CALD1: variants seen among roughly 807,000 people sequenced by gnomAD.
The protein encoded by CALD1 is caldesmon 1, also known as caldesmon.
In CALD1, 33 loss-of-function variants were observed where a neutral mutation model predicts 99.9. That is an observed-to-expected ratio of 0.33 (90% CI 0.25 to 0.44). CALD1 has a LOEUF of 0.44. Among genes scored for constraint, CALD1 ranks in the 20% least tolerant of loss-of-function variants. CALD1 has a pLI of 1.00. For missense variants in CALD1, 861 were observed against 962.1 expected (o/e 0.89, Z 1.39); for synonymous variants, 310 against 325.0 (o/e 0.95, Z 0.50).
chr7:134,900,110 A>C (rs1336798542), intron 3 of CALD1: 1 of 152,216 alleles, frequency 6.6e-6, no homozygotes, highest in African/African-American at 2.4e-5. Context: ...GAAGAAAATA[A>C]TTCCCTTTTG....
At chr7:134,891,355 C>G in intron 3 of CALD1, 1 of 1,223,320 alleles carries the variant, frequency 8.2e-7, no homozygotes. Context: ...AGAGAGATTA[C>G]AGTAAAAAAT....
intron 1 of CALD1, among the ~76,000 whole-genome samples, chr7:134,816,963 A>G (rs1430744316): frequency 2.6e-5 from 4 of 152,212 alleles, no homozygotes; most frequent in Non-Finnish European, 4.4e-5. Context: ...AGGATTAGAG[A>G]CAATTCATTG....
intron 1 of CALD1, among the ~76,000 whole-genome samples, chr7:134,770,187 T>C (rs1038592409): frequency 3.3e-5 from 5 of 152,198 alleles, no homozygotes; most frequent in African/African-American, 1.2e-4. Context: ...TCCCGTCACA[T>C]GAGGCCTGGG....
At chr7:134,867,884 A>G (rs887126041) in intron 3 of CALD1, 80 bp downstream of exon 3, 8 of 773,282 alleles carry the variant, frequency 1.0e-5, no homozygotes, top group Non-Finnish European at 1.7e-5. Context: ...TCCTTTTGAG[A>G]GGCCAAATGT....
intron 3 of CALD1, among the ~76,000 whole-genome samples, chr7:134,869,864 G>A (rs1181349053): frequency 6.6e-6 from 1 of 152,132 alleles, no homozygotes; most frequent in Non-Finnish European, 1.5e-5. Flanking sequence ...GGTCATCAAG[G>A]TATAATGGAA....
intron 1 of CALD1, among the ~76,000 whole-genome samples, chr7:134,745,076 C>T (rs2067241673): frequency 6.6e-6 from 1 of 152,142 alleles, no homozygotes; most frequent in South Asian, 2.1e-4. Flanking sequence ...GTACCTTGCA[C>T]CTTATAGGCA....
rs972373454 is a variant in CALD1, at chr7:134,969,385, C to A, written c.*1040C>A. On this transcript the variant is annotated 3_prime_UTR_variant, in exon 15 of 15. Coordinates refer to ENST00000361675, the MANE Select transcript of CALD1 (RefSeq NM_033138.4). Reference sequence around the variant, plus strand: ...TTAATGCTATCATCTCGACCAAGCTCAAAGCCTACTTATTAGAAACAATGA... The same window carrying A: ...TTAATGCTATCATCTCGACCAAGCTAAAAGCCTACTTATTAGAAACAATGA... 6.6e-6 allele frequency: 1 copy of A among 152,174 alleles called. No homozygotes were observed. Among genetic ancestry groups the A allele is most frequent in the African/African-American group, 2.4e-5 (1 of 41,448 alleles). 9.4% of individuals were successfully genotyped at this position (152,174 alleles called of 1,614,324 possible). A position where few individuals can be genotyped will look rare whatever the true frequency, so the allele number is the denominator to read the frequency against.
At chr7:134,757,171 T>C (rs562070039) in intron 1 of CALD1, among the ~76,000 whole-genome samples, 6 of 152,186 alleles carry the variant, frequency 3.9e-5, no homozygotes, top group African/African-American at 1.4e-4. Context: ...CCCTGAAGCA[T>C]AAACATTATT....
intron 14 of CALD1, 183 bp downstream of exon 14, chr7:134,965,569 C>A: frequency 2.0e-6 from 1 of 508,186 alleles, no homozygotes. Flanking sequence ...GTTTGTCAGT[C>A]ATACAACATA....
chr7:134,833,291 T>C (rs1320390311), intron 1 of CALD1, among the ~76,000 whole-genome samples: 2 of 152,176 alleles, frequency 1.3e-5, no homozygotes, highest in Non-Finnish European at 2.9e-5. Context: ...GAGATAAACA[T>C]TATGGGATGT....
At chr7:134,911,206 T>C (rs1475282672) in intron 3 of CALD1, among the ~76,000 whole-genome samples, 2 of 150,374 alleles carry the variant, frequency 1.3e-5, no homozygotes, top group Non-Finnish European at 3.0e-5. Context: ...TTCTTTTTTT[T>C]TTTTTTTTTT....
In CALD1 at chr7:134,935,780, AAAGT is replaced by A. The variant is rs762830130; in HGVS notation, c.1386+18_1386+21del. ...AAAAAGAAGAGGTAAATATGATTGA[AAAGT>A]AATGATCGTAAAGCAACAGAAAAAG... On this transcript the variant is annotated intron_variant, in intron 6 of 14. Coordinates refer to ENST00000361675, the MANE Select transcript of CALD1 (RefSeq NM_033138.4). 5.7e-6 allele frequency: 9 copies of A among 1,570,824 alleles called. No individual in the cohort carries two copies. The East Asian group carries it at 1.8e-4, about 32-fold the overall frequency.
rs1410483124 is a variant in CALD1 at position 134,947,491 on chromosome 7, T to C, written c.1533-17T>C. ...GCAAAAGCATGTAAACCCCTTTCCATTGCCCCCCAACCACAGCCGCCCTGG... is the reference window on the plus strand; with the variant it reads ...GCAAAAGCATGTAAACCCCTTTCCACTGCCCCCCAACCACAGCCGCCCTGG... On this transcript the variant is annotated splice_polypyrimidine_tract_variant and intron_variant, in intron 7 of 14. Transcript: ENST00000361675. 2.1e-5 allele frequency: 33 copies of C among 1,563,384 alleles called. No individual in the cohort carries two copies.
the CALD1 span, among the ~76,000 whole-genome samples, chr7:134,731,229 G>A: frequency 6.6e-6 from 1 of 152,064 alleles, no homozygotes; most frequent in Admixed American, 6.5e-5. Context: ...CTGTAATCAT[G>A]CTCAAGTTTA....
chr7:134,713,859 T>C, the CALD1 span, among the ~76,000 whole-genome samples: 1 of 152,164 alleles, frequency 6.6e-6, no homozygotes, highest in African/African-American at 2.4e-5. Flanking sequence ...AAAAGTGTCT[T>C]GAACTGGGGA....
intron 1 of CALD1, among the ~76,000 whole-genome samples, chr7:134,809,953 T>C (rs1042888032): frequency 1.3e-5 from 2 of 152,152 alleles, no homozygotes; most frequent in Admixed American, 6.5e-5. Flanking sequence ...TAAGGGTTTT[T>C]CCCCCATCTT....
At chr7:134,833,425 T>C (rs7786204) in intron 1 of CALD1, among the ~76,000 whole-genome samples, 3,365 of 152,290 alleles carry the variant, frequency 0.022, 114 homozygotes, top group African/African-American at 0.075. Context: ...TTTAAGTTTG[T>C]GGCCACGTAA....
Position 134,953,156 on chromosome 7 carries a change from AT to A in CALD1, c.1935+2651del, listed in dbSNP as rs370300183. Among the ~76,000 whole-genome samples the A allele has an allele frequency of 1.8e-3, 266 of 151,500 alleles. 2 individuals are homozygous for A. The highest frequency in any genetic ancestry group is 6.1e-3 in the African/African-American group (250 of 41,294). On this transcript the variant is annotated intron_variant, in intron 9 of 14. Transcript: ENST00000361675. ...GTCATGAAATATTATTCTTCTTTTG[AT>A]TTTTTTTTAACCGTTTAACAGTGTG...
intron 2 of CALD1, among the ~76,000 whole-genome samples, chr7:134,862,836 G>A (rs1264178934): frequency 6.6e-6 from 1 of 152,224 alleles, no homozygotes; most frequent in East Asian, 1.9e-4. Flanking sequence ...CCACACACTA[G>A]TTGGTCTATA....
Sources: gnomAD v4.1 joint callset for allele counts (sites outside exome capture counted in the v4.1 genomes callset) on GRCh38, gnomAD v4.1.1 for gene constraint, MANE v1.5 for transcripts, NCBI Gene and HGNC (gene_info 2026-07-23, HGNC 2026-07-21) for gene names.